Variants in ZZZ3 observed in about 807,000 individuals in gnomAD.
ZZZ3 encodes the protein ZZ-type zinc finger-containing protein 3.
Under a neutral mutation model 95.2 loss-of-function variants are expected in ZZZ3, and 22 were observed. The observed-to-expected ratio is 0.23, with a 90% CI of 0.17 to 0.33. The LOEUF (loss-of-function observed/expected upper bound fraction) is 0.33. Among genes scored for constraint, ZZZ3 ranks in the 10% least tolerant of loss-of-function variants. The pLI is 1.00. For synonymous variants in ZZZ3, 335 were observed against 358.9 expected, an observed-to-expected ratio of 0.93 and a Z score of 0.75; for missense variants, 885 against 1,066.5, an observed-to-expected ratio of 0.83 and a Z score of 2.37.
intron 12 of ZZZ3, among the ~76,000 whole-genome samples, chr1:77,571,783 G>C (rs1183834666): frequency 6.6e-6 from 1 of 152,288 alleles, no homozygotes; most frequent in Admixed American, 6.5e-5. Flanking sequence ...TAGAAAAAGG[G>C]GTGCTGGGGA....
intron 1 of ZZZ3, among the ~76,000 whole-genome samples, chr1:77,671,363 A>G (rs1671770400): frequency 6.6e-6 from 1 of 152,238 alleles, no homozygotes; most frequent in Non-Finnish European, 1.5e-5. Context: ...ATGAGACTTG[A>G]AAGAAAATTC....
intron 1 of ZZZ3, among the ~76,000 whole-genome samples, chr1:77,669,846 G>C (rs940268842): frequency 3.4e-4 from 51 of 151,566 alleles, no homozygotes; most frequent in Middle Eastern, 3.4e-3. Context: ...TGCACCAGCT[G>C]ATTTAAAAAA....
chr1:77,587,572 C>T (rs576830241), intron 5 of ZZZ3, among the ~76,000 whole-genome samples: 1 of 152,262 alleles, frequency 6.6e-6, no homozygotes, highest in African/African-American at 2.4e-5. Flanking sequence ...CCCTTTGACC[C>T]ATATTAATGG....
chr1:77,658,652 C>A (rs1186979679), intron 1 of ZZZ3, among the ~76,000 whole-genome samples: 1 of 152,120 alleles, frequency 6.6e-6, no homozygotes, highest in East Asian at 1.9e-4. Context: ...GCGTGAGCCA[C>A]ACCGCCCAGC....
Position 77,581,969 on chromosome 1 carries a change from G to A in ZZZ3, c.1792+10C>T. The A allele has an allele frequency of 1.2e-6, 2 of 1,600,022 alleles. No homozygotes were observed. Among genetic ancestry groups the A allele is most frequent in the South Asian group, 2.2e-5 (2 of 90,006 alleles). On this transcript the variant is annotated intron_variant, in intron 7 of 14. Coordinates refer to ENST00000370801, the MANE Select transcript of ZZZ3 (RefSeq NM_015534.6). ...TTTTCTACTTAAATTCTTATCATAT[G>A]ATTTCTTACCTTTATCAAAAACTAG...
At chr1:77,673,649 T>A (rs1671987544) in intron 1 of ZZZ3, among the ~76,000 whole-genome samples, 1 of 152,198 alleles carries the variant, frequency 6.6e-6, no homozygotes. Flanking sequence ...TGAAAGGGGT[T>A]AATAAGCAGG....
intron 5 of ZZZ3, among the ~76,000 whole-genome samples, chr1:77,597,293 T>C (rs1244512100): frequency 6.6e-6 from 1 of 152,010 alleles, no homozygotes; most frequent in Non-Finnish European, 1.5e-5. Flanking sequence ...CAGTCCACAC[T>C]GATATAAATA....
intron 1 of ZZZ3, among the ~76,000 whole-genome samples, chr1:77,681,899 C>CAA (rs61661880): frequency 0.12 from 11,454 of 94,464 alleles, 770 homozygotes; most frequent in East Asian, 0.19. Flanking sequence ...GACTCCGTCT[C>CAA]AAAAAAAAAA....
At chr1:77,575,449 TAACA>T (rs1234628941) in intron 12 of ZZZ3, among the ~76,000 whole-genome samples, 2 of 152,188 alleles carry the variant, frequency 1.3e-5, no homozygotes, top group African/African-American at 2.4e-5. Context: ...CTGCCCACCC[TAACA>T]AACAAATACA....
intron 1 of ZZZ3, among the ~76,000 whole-genome samples, chr1:77,676,007 T>C (rs546302981): frequency 6.6e-6 from 1 of 152,348 alleles, no homozygotes; most frequent in South Asian, 2.1e-4. Flanking sequence ...TAAATGAAAC[T>C]TTTTCACTAA....
At chr1:77,667,868 T>C (rs1416397059) in intron 1 of ZZZ3, among the ~76,000 whole-genome samples, 1 of 150,156 alleles carries the variant, frequency 6.7e-6, no homozygotes, top group Non-Finnish European at 1.5e-5. Context: ...TGGGTTCAAG[T>C]GATTCTCCTG....
intron 1 of ZZZ3, among the ~76,000 whole-genome samples, chr1:77,646,832 C>CCAAG (rs555870954): frequency 5.5e-4 from 84 of 152,084 alleles, no homozygotes; most frequent in Non-Finnish European, 9.6e-4. Context: ...GGAAGGTGTC[C>CCAAG]CAAGCAAGCT....
chr1:77,662,075 G>A (rs547197013), intron 1 of ZZZ3, among the ~76,000 whole-genome samples: 22 of 151,370 alleles, frequency 1.5e-4, no homozygotes, highest in Admixed American at 7.2e-4. Flanking sequence ...GTACAGTGGC[G>A]TGATCTAGGC....
At chr1:77,568,607 G>A (rs1570385603) in intron 12 of ZZZ3, 141 bp from the exon 13 acceptor site, 1 of 339,656 alleles carries the variant, frequency 2.9e-6, no homozygotes, top group East Asian at 5.7e-5. Flanking sequence ...AATTAGTGCT[G>A]TTATTAGCAG....
chr1:77,625,699 A>T (rs1342240492), intron 5 of ZZZ3, among the ~76,000 whole-genome samples: 1 of 152,124 alleles, frequency 6.6e-6, no homozygotes, highest in East Asian at 1.9e-4. Flanking sequence ...AATCAAAAAG[A>T]AAAGGTTAAG....
intron 1 of ZZZ3, among the ~76,000 whole-genome samples, chr1:77,677,987 T>C (rs1454689139): frequency 1.3e-5 from 2 of 152,104 alleles, no homozygotes; most frequent in East Asian, 3.8e-4. Context: ...TTACCACTAA[T>C]GGAAGCATAA....
At chr1:77,658,931 A>AT (rs1670536639) in intron 1 of ZZZ3, among the ~76,000 whole-genome samples, 1 of 152,182 alleles carries the variant, frequency 6.6e-6, no homozygotes, top group African/African-American at 2.4e-5. Context: ...TTCTAAATGC[A>AT]TTTTTAAATG....
At chr1:77,621,228 C>T (rs919385964) in intron 5 of ZZZ3, among the ~76,000 whole-genome samples, 1 of 151,980 alleles carries the variant, frequency 6.6e-6, no homozygotes, top group Non-Finnish European at 1.5e-5. Flanking sequence ...CACAGTGGCT[C>T]GTAACTGTAA....
intron 1 of ZZZ3, among the ~76,000 whole-genome samples, chr1:77,653,379 T>C (rs941537621): frequency 1.3e-5 from 2 of 152,222 alleles, no homozygotes; most frequent in Non-Finnish European, 1.5e-5. Context: ...TCCTACTTTG[T>C]AAATATACTA....
Sources: allele counts gnomAD v4.1 joint callset (sites outside exome capture counted in the v4.1 genomes callset), GRCh38; gene constraint gnomAD v4.1.1; transcripts MANE v1.5; gene names NCBI Gene and HGNC (gene_info 2026-07-23, HGNC 2026-07-21).